The following NRG1 variants were observed in gnomAD, a reference collection of about 807,000 sequenced individuals.
NRG1 encodes the protein pro-neuregulin-1, membrane-bound isoform.
In NRG1, 18 loss-of-function variants were observed where a neutral mutation model predicts 63.8. That is an observed-to-expected ratio of 0.28 (90% CI 0.19 to 0.42). The LOEUF (loss-of-function observed/expected upper bound fraction) is 0.42, where lower values mean the gene tolerates loss of function less well. NRG1 is among the 10% of genes least tolerant of loss of function. The pLI, the probability that NRG1 is intolerant of heterozygous loss-of-function variation, is 1.00. For synonymous variants in NRG1, 302 were observed against 301.3 expected (o/e 1.00, Z -0.02); for missense variants, 762 against 814.7 (o/e 0.94, Z 0.79).
chr8:32,703,924 A>G (rs1430249639), intron 5 of NRG1, among the ~76,000 whole-genome samples: 1 of 152,166 alleles, frequency 6.6e-6, no homozygotes, highest in African/African-American at 2.4e-5. Flanking sequence ...GCCCTTTCTG[A>G]TACCTTTGTG....
chr8:31,822,258 G>A (rs1172883515), intron 1 of NRG1, among the ~76,000 whole-genome samples: 4 of 152,180 alleles, frequency 2.6e-5, no homozygotes. Flanking sequence ...GGAGCACTAA[G>A]AGTGTGGAAG....
At chr8:32,333,450 G>T (rs1586877844) in intron 1 of NRG1, among the ~76,000 whole-genome samples, 1 of 152,110 alleles carries the variant, frequency 6.6e-6, no homozygotes, top group East Asian at 1.9e-4. Flanking sequence ...CATTGTGATG[G>T]GCATAATGGG....
intron 1 of NRG1, among the ~76,000 whole-genome samples, chr8:32,314,211 C>T (rs1006142434): frequency 2.9e-4 from 44 of 151,168 alleles, no homozygotes; most frequent in Non-Finnish European, 4.0e-4. Flanking sequence ...AATTCTTCTT[C>T]GGGGCAGAGT....
chr8:31,978,238 T>C (rs774793598), intron 1 of NRG1, among the ~76,000 whole-genome samples: 91 of 152,214 alleles, frequency 6.0e-4, no homozygotes, highest in South Asian at 2.5e-3. Context: ...AACTAATCCA[T>C]TGACATCAAA....
intron 1 of NRG1, among the ~76,000 whole-genome samples, chr8:32,345,094 G>A (rs1386192666): frequency 6.6e-6 from 1 of 152,152 alleles, no homozygotes; most frequent in Non-Finnish European, 1.5e-5. Context: ...CATCATTTCT[G>A]CTGACATCTA....
chr8:32,291,334 C>T (rs1854172605), intron 1 of NRG1, among the ~76,000 whole-genome samples: 1 of 152,132 alleles, frequency 6.6e-6, no homozygotes. Context: ...CGATATTTTC[C>T]TGGCATACAC....
chr8:31,678,249 C>G (rs1024368997), intron 1 of NRG1, among the ~76,000 whole-genome samples: 4 of 152,070 alleles, frequency 2.6e-5, no homozygotes, highest in Non-Finnish European at 2.9e-5. Context: ...AGGCTACATA[C>G]TTATTCTATG....
intron 5 of NRG1, among the ~76,000 whole-genome samples, chr8:32,656,812 G>T (rs907931917): frequency 1.3e-5 from 2 of 151,668 alleles, no homozygotes; most frequent in Admixed American, 6.6e-5. Flanking sequence ...TAAGCTGATG[G>T]ACCCAATAAA....
At chr8:32,475,745 A>G (rs1215681459) in intron 1 of NRG1, among the ~76,000 whole-genome samples, 1 of 152,186 alleles carries the variant, frequency 6.6e-6, no homozygotes, top group Non-Finnish European at 1.5e-5. Flanking sequence ...ATGATCTAAA[A>G]GTGTGGCAGA....
chr8:31,872,950 T>C (rs1018082982), intron 1 of NRG1, among the ~76,000 whole-genome samples: 4 of 152,168 alleles, frequency 2.6e-5, no homozygotes, highest in Admixed American at 2.6e-4. Flanking sequence ...GCATATTTGG[T>C]TTCATATAAA....
chr8:31,888,282 A>C (rs549242874), intron 1 of NRG1, among the ~76,000 whole-genome samples: 2 of 152,176 alleles, frequency 1.3e-5, no homozygotes, highest in East Asian at 3.9e-4. Context: ...ACAATACCCC[A>C]AACTACTGGA....
chr8:32,508,755 A>G (rs1318692140), intron 1 of NRG1, among the ~76,000 whole-genome samples: 3 of 151,786 alleles, frequency 2.0e-5, no homozygotes, highest in Non-Finnish European at 4.4e-5. Flanking sequence ...TGTTTGTGTG[A>G]GACAGAGTCT....
At chr8:31,880,812 T>C (rs1830292425) in intron 1 of NRG1, among the ~76,000 whole-genome samples, 1 of 152,216 alleles carries the variant, frequency 6.6e-6, no homozygotes, top group Admixed American at 6.5e-5. Flanking sequence ...TACTCAGTTA[T>C]ACAAAATATT....
At chr8:32,265,628 A>T (rs995659980) in intron 1 of NRG1, among the ~76,000 whole-genome samples, 18 of 152,254 alleles carry the variant, frequency 1.2e-4, no homozygotes, top group African/African-American at 4.3e-4. Context: ...GGATCACTTG[A>T]GCTCAGGAGT....
intron 1 of NRG1, among the ~76,000 whole-genome samples, chr8:32,066,060 G>A (rs1257938093): frequency 2.0e-5 from 3 of 152,100 alleles, no homozygotes; most frequent in African/African-American, 7.2e-5. Flanking sequence ...AAATTTGTTT[G>A]AGTTCATTGT....
intron 1 of NRG1, among the ~76,000 whole-genome samples, chr8:31,708,210 C>T (rs906629280): frequency 1.3e-5 from 2 of 152,032 alleles, no homozygotes; most frequent in Non-Finnish European, 2.9e-5. Flanking sequence ...GCCATTGTAA[C>T]GTAAGTAAAA....
intron 1 of NRG1, among the ~76,000 whole-genome samples, chr8:31,727,810 G>A (rs911929122): frequency 1.3e-5 from 2 of 152,098 alleles, no homozygotes; most frequent in Admixed American, 1.3e-4. Context: ...CACAGTAGGA[G>A]ATTAACAGCA....
At chr8:31,745,257 G>A (rs1316777926) in intron 1 of NRG1, among the ~76,000 whole-genome samples, 1 of 151,948 alleles carries the variant, frequency 6.6e-6, no homozygotes, top group Admixed American at 6.6e-5. Flanking sequence ...AGATGGCCAT[G>A]CTTGTCCCCC....
chr8:31,645,448 A>C (rs1261807749), intron 1 of NRG1, among the ~76,000 whole-genome samples: 2 of 152,192 alleles, frequency 1.3e-5, no homozygotes, highest in Admixed American at 6.5e-5. Context: ...ACTTCAAGTA[A>C]ATCTGTTTCT....
Sources: gnomAD v4.1 joint callset for allele counts (sites outside exome capture counted in the v4.1 genomes callset) on GRCh38, gnomAD v4.1.1 for gene constraint, MANE v1.5 for transcripts, NCBI Gene and HGNC (gene_info 2026-07-23, HGNC 2026-07-21) for gene names.